The following CNTN5 variants were observed in gnomAD, a reference collection of about 807,000 sequenced individuals.
The protein encoded by CNTN5 is contactin 5, also known as contactin-5.
A neutral mutation model predicts 129.1 loss-of-function variants in CNTN5; 77 were observed. That is an observed-to-expected ratio of 0.60 (90% CI 0.50 to 0.72). The LOEUF (loss-of-function observed/expected upper bound fraction) is 0.72. Among genes scored for constraint, CNTN5 ranks in the 30% least tolerant of loss-of-function variants. The pLI, the probability that CNTN5 is intolerant of heterozygous loss-of-function variation, is 0.00. For synonymous variants in CNTN5, 509 were observed against 465.6 expected, an observed-to-expected ratio of 1.09 and a Z score of -1.20; for missense variants, 1,478 against 1,328.8, an observed-to-expected ratio of 1.11 and a Z score of -1.75.
chr11:99,150,715 CA>C (rs1287066775), intron 1 of CNTN5, among the ~76,000 whole-genome samples: 1 of 151,794 alleles, frequency 6.6e-6, no homozygotes, highest in Admixed American at 6.6e-5. Context: ...AAAAAAATAG[CA>C]GTCGTATTCA....
intron 1 of CNTN5, among the ~76,000 whole-genome samples, chr11:99,028,109 T>A (rs1863183531): frequency 6.6e-6 from 1 of 151,830 alleles, no homozygotes; most frequent in Admixed American, 6.6e-5. Context: ...CAAATAACAG[T>A]AATCTTAGTA....
intron 1 of CNTN5, among the ~76,000 whole-genome samples, chr11:99,136,692 G>T (rs1480915481): frequency 6.6e-6 from 1 of 152,032 alleles, no homozygotes; most frequent in Non-Finnish European, 1.5e-5. Flanking sequence ...TATCAAATAA[G>T]AGATAGGAAG....
At position 99,116,492 on chromosome 11, in the gene CNTN5, A is replaced by C. The variant is rs184945150; in HGVS notation, c.-210+95222A>C. ...CATTGTTTTATTTTAAGGCGTTTGG[A>C]TGTTGATTTCCTATTCTCAGGTTGC... On this transcript the variant is annotated intron_variant, in intron 1 of 24. Transcript: ENST00000524871. 3.5e-4 allele frequency among the ~76,000 whole-genome samples: 54 copies of C among 152,178 alleles called. 1 individual carries two copies. The East Asian group carries it at 9.6e-3, about 27-fold the overall frequency.
At chr11:99,346,093 CATT>C (rs1937842736) in intron 2 of CNTN5, among the ~76,000 whole-genome samples, 2 of 152,128 alleles carry the variant, frequency 1.3e-5, no homozygotes, top group African/African-American at 4.8e-5. Context: ...AAATTCCTAT[CATT>C]ATTATAGCAC....
At position 99,658,774 on chromosome 11, in the gene CNTN5, G is replaced by C. The variant is rs193288342; in HGVS notation, c.55+102505G>C. On this transcript the variant is annotated intron_variant, in intron 3 of 24. Coordinates refer to ENST00000524871, the MANE Select transcript of CNTN5 (RefSeq NM_014361.4). ...GCGGTGGCACATGCCTGTAATCCCA[G>C]CTACTAGGGAGGCTGAGGCAGGAGA... 3.6e-3 allele frequency among the ~76,000 whole-genome samples: 536 copies of C among 149,308 alleles called. 2 individuals are homozygous for C. The highest frequency in any genetic ancestry group is 0.012 in the African/African-American group (497 of 40,806).
At chr11:99,736,716 A>G (rs1207573123) in intron 3 of CNTN5, among the ~76,000 whole-genome samples, 2 of 152,176 alleles carry the variant, frequency 1.3e-5, no homozygotes, top group African/African-American at 4.8e-5. Flanking sequence ...TGATATTTAT[A>G]CCAAAAATTT....
At chr11:99,846,112 G>GTGGC (rs1318860790) in intron 6 of CNTN5, among the ~76,000 whole-genome samples, 1 of 137,054 alleles carries the variant, frequency 7.3e-6, no homozygotes, top group Non-Finnish European at 1.6e-5. Context: ...GATATTGTAT[G>GTGGC]TGGCTATACG....
chr11:99,780,000 T>C (rs1451875579), intron 3 of CNTN5, among the ~76,000 whole-genome samples: 2 of 151,992 alleles, frequency 1.3e-5, no homozygotes, highest in African/African-American at 2.4e-5. Flanking sequence ...AGTTTCTTGA[T>C]ACGTATACGT....
chr11:100,249,531 A>C (rs1179162160), intron 16 of CNTN5, among the ~76,000 whole-genome samples: 1 of 152,204 alleles, frequency 6.6e-6, no homozygotes, highest in Non-Finnish European at 1.5e-5. Flanking sequence ...GGAGGAAAAA[A>C]CAGTTGTCAG....
chr11:99,166,050 C>A (rs143157915), intron 1 of CNTN5, among the ~76,000 whole-genome samples: 1 of 152,194 alleles, frequency 6.6e-6, no homozygotes, highest in African/African-American at 2.4e-5. Context: ...ATTTCTGAAT[C>A]AATCTGAAAA....
chr11:99,447,045 C>T (rs1047777082), intron 2 of CNTN5, among the ~76,000 whole-genome samples: 13 of 152,158 alleles, frequency 8.5e-5, no homozygotes, highest in African/African-American at 3.1e-4. Flanking sequence ...ATTTTCTGGG[C>T]TGTAACAAAG....
chr11:99,496,164 T>C (rs1946216487), intron 2 of CNTN5, among the ~76,000 whole-genome samples: 1 of 152,172 alleles, frequency 6.6e-6, no homozygotes, highest in African/African-American at 2.4e-5. Flanking sequence ...ATAATAGAAG[T>C]AATCATGCAT....
chr11:99,850,813 G>A (rs769554838), intron 6 of CNTN5, among the ~76,000 whole-genome samples: 14 of 152,006 alleles, frequency 9.2e-5, no homozygotes, highest in Admixed American at 2.0e-4. Flanking sequence ...TATTTCCCCT[G>A]CACACCCAAC....
chr11:99,616,271 A>AAG (rs1950758682), intron 3 of CNTN5, among the ~76,000 whole-genome samples: 1 of 152,180 alleles, frequency 6.6e-6, no homozygotes, highest in African/African-American at 2.4e-5. Flanking sequence ...AATAACACAT[A>AAG]AGATATATCA....
chr11:99,435,532 C>T lies in CNTN5; in HGVS notation c.-71+110048C>T, dbSNP rs150776981. Reference sequence around the variant, plus strand: ...TGACATACGTCTTCAGTTCATAATACTCTAACCACATCTGGTTACATGCAT... The same window carrying T: ...TGACATACGTCTTCAGTTCATAATATTCTAACCACATCTGGTTACATGCAT... On this transcript the variant is annotated intron_variant, in intron 2 of 24. Transcript: ENST00000524871. Among the ~76,000 whole-genome samples, 143 of 152,298 alleles carry T rather than the reference C, an allele frequency of 9.4e-4. 1 individual carries two copies. The highest frequency in any genetic ancestry group is 3.2e-3 in the African/African-American group (132 of 41,574).
chr11:99,735,050 T>C (rs1475052668), intron 3 of CNTN5, among the ~76,000 whole-genome samples: 1 of 152,294 alleles, frequency 6.6e-6, no homozygotes, highest in African/African-American at 2.4e-5. Flanking sequence ...CACTGTGTTA[T>C]AATAGAAAGT....
intron 1 of CNTN5, among the ~76,000 whole-genome samples, chr11:99,154,791 G>A (rs893926389): frequency 7.2e-5 from 11 of 152,126 alleles, no homozygotes; most frequent in Non-Finnish European, 1.6e-4. Flanking sequence ...GGAGAGGATA[G>A]CAGACAGGGA....
chr11:100,108,332 G>C (rs1387567398), intron 13 of CNTN5, among the ~76,000 whole-genome samples: 1 of 152,076 alleles, frequency 6.6e-6, no homozygotes, highest in Non-Finnish European at 1.5e-5. Context: ...AACATGTATG[G>C]GCTACATGGA....
intron 2 of CNTN5, among the ~76,000 whole-genome samples, chr11:99,349,485 C>T (rs1463077625): frequency 6.6e-6 from 1 of 152,114 alleles, no homozygotes; most frequent in African/African-American, 2.4e-5. Context: ...CTGACTTAGT[C>T]CTTACGTTCC....
Sources: gnomAD v4.1 joint callset for allele counts (sites outside exome capture counted in the v4.1 genomes callset) on GRCh38, gnomAD v4.1.1 for gene constraint, MANE v1.5 for transcripts, NCBI Gene and HGNC (gene_info 2026-07-23, HGNC 2026-07-21) for gene names.